The following CEMIP variants were observed in gnomAD, a reference collection of about 807,000 sequenced individuals.
CEMIP encodes the protein cell migration-inducing and hyaluronan-binding protein.
CEMIP carries 105 observed loss-of-function variants against 156.9 expected under a neutral mutation model. The ratio of observed to expected loss-of-function variants is 0.67; its 90% CI spans 0.57 to 0.79. The LOEUF is 0.79. Ranked by LOEUF, CEMIP falls within the 30% of genes least tolerant of loss-of-function variation. The probability of loss-of-function intolerance (pLI) is 0.00; values close to 1 mark genes in which losing one functional copy is unlikely to be tolerated. For missense variants in CEMIP, 1,457 were observed against 1,769.4 expected, an observed-to-expected ratio of 0.82 and a Z score of 3.17; for synonymous variants, 676 against 668.4, an observed-to-expected ratio of 1.01 and a Z score of -0.17.
intron 1 of CEMIP, among the ~76,000 whole-genome samples, chr15:80,861,186 A>C (rs1194127689): frequency 1.3e-5 from 2 of 151,806 alleles, no homozygotes; most frequent in African/African-American, 4.9e-5. Flanking sequence ...CACTAATAAT[A>C]AACACGGATT....
At position 80,925,702 on chromosome 15, in the gene CEMIP, C is replaced by A; in HGVS notation, c.2367C>A (p.Asn789Lys). The stretch of plus-strand genomic sequence containing the variant: ...TCAGACACTTCATTGCCTACAAGAA[C>A]CAGGACCACGGGGCCTGGCTGCGCG... ...AIIRHFIAYK[N>K]QDHGAWLRGG... Residue 789 changes from asparagine (N) to lysine (K), a missense_variant, in exon 19 of 30, where the codon AAC becomes AAA. Around this residue, in one of 5 missense-constraint regions of CEMIP, gnomAD observed 798 missense variants for 980.1 expected, o/e 0.81. Coordinates refer to ENST00000394685, the MANE Select transcript of CEMIP (RefSeq NM_001293298.2). 6.2e-7 allele frequency: 1 copy of A among 1,613,808 alleles called. No homozygotes were observed. The highest frequency in any genetic ancestry group is 1.1e-5 in the South Asian group (1 of 91,086).
At position 80,906,691 on chromosome 15, in the gene CEMIP, G is replaced by C; in HGVS notation, c.1440G>C (p.Glu480Asp). The C allele has an allele frequency of 6.2e-7, 1 of 1,614,144 alleles. No homozygotes were observed. The highest frequency in any genetic ancestry group is 1.3e-5 in the African/African-American group (1 of 75,054). ...AACCAATGTACCTGCACATCGGGGA[G>C]GAGATAGACGGCGTGGACATGCGGG... is the stretch of plus-strand genomic sequence containing the variant. Reference protein sequence around the residue: ...AGKPMYLHIGEEIDGVDMRAE... With the variant: ...AGKPMYLHIGDEIDGVDMRAE... The change falls in exon 13 of 30, where the codon GAG (glutamate) becomes GAC (aspartate). Residue 480 changes from glutamate to aspartate, a missense_variant. This residue lies in a region of CEMIP where 280 missense variants were observed against 300.3 expected (regional missense o/e 0.93). Transcript: ENST00000394685. This position sits in a 1 kb window ranked among gnomAD's most constrained non-coding sequence, Gnocchi z 4.3.
intron 10 of CEMIP, 148 bp downstream of exon 10, chr15:80,889,740 A>G (rs1283903036): frequency 1.7e-5 from 17 of 1,004,262 alleles, no homozygotes; most frequent in Non-Finnish European, 2.4e-5. Flanking sequence ...TTCCCACTTT[A>G]GAGACTGAAG....
At chr15:80,884,017 C>T (rs112135849) in intron 6 of CEMIP, among the ~76,000 whole-genome samples, 158 bp from the exon 7 acceptor site, 2 of 152,210 alleles carry the variant, frequency 1.3e-5, no homozygotes, top group African/African-American at 4.8e-5. Context: ...AATAATGAAA[C>T]TTGTTTGCTC....
rs1900951887 is a variant in CEMIP at position 80,932,378 on chromosome 15, C to G, written c.2793+339C>G. On this transcript the variant is annotated intron_variant, in intron 22 of 29. Coordinates refer to ENST00000394685, the MANE Select transcript of CEMIP (RefSeq NM_001293298.2). This position sits in a 1 kb window ranked among gnomAD's most constrained non-coding sequence, Gnocchi z 4.5. Reference sequence around the variant, plus strand: ...AAACTGAGTCTTCTGACCAGGCCACCTGAGTTGGCACAAAGAATCTAACAA... The same window carrying G: ...AAACTGAGTCTTCTGACCAGGCCACGTGAGTTGGCACAAAGAATCTAACAA... Among the ~76,000 whole-genome samples, 1 of 152,210 alleles carries G rather than the reference C, an allele frequency of 6.6e-6. No individual in the cohort carries two copies. The highest frequency in any genetic ancestry group is 2.4e-5 in the African/African-American group (1 of 41,448).
intron 14 of CEMIP, among the ~76,000 whole-genome samples, chr15:80,910,280 A>G (rs1036058280): frequency 2.0e-5 from 3 of 152,238 alleles, no homozygotes; most frequent in Non-Finnish European, 4.4e-5. Context: ...CTTAGAGCAG[A>G]GTCAAGGCTG....
intron 1 of CEMIP, among the ~76,000 whole-genome samples, chr15:80,863,169 A>G (rs1396008742): frequency 2.6e-5 from 4 of 152,126 alleles, no homozygotes; most frequent in Non-Finnish European, 4.4e-5. Flanking sequence ...TTTTTCCTCA[A>G]TTGAGGGTAA....
Position 80,936,743 on chromosome 15 carries a change from C to T in CEMIP, c.3079C>T (p.Pro1027Ser). The T allele has an allele frequency of 6.2e-7, 1 of 1,614,188 alleles. No individual in the cohort carries two copies. Among genetic ancestry groups the T allele is most frequent in the Non-Finnish European group, 8.5e-7 (1 of 1,180,030 alleles). Residue 1027 changes from proline (P) to serine (S), a missense_variant, in exon 24 of 30, where the codon CCT becomes TCT. Physicochemically the swap from Pro to Ser is moderately conservative, Grantham distance 74. This residue lies in a region of CEMIP where 798 missense variants were observed against 980.1 expected (regional missense o/e 0.81). Coordinates refer to ENST00000394685, the MANE Select transcript of CEMIP (RefSeq NM_001293298.2). ...KIIKNDFPSH[P>S]LYLEGALTRS... ...CATCAAGAATGACTTCCCCAGCCAC[C>T]CTCTTTACCTGGAGGGGGCGCTCAC... is the stretch of plus-strand genomic sequence containing the variant.
chr15:80,794,216 C>G (rs763771960), intron 1 of CEMIP, among the ~76,000 whole-genome samples: 1 of 152,200 alleles, frequency 6.6e-6, no homozygotes, highest in African/African-American at 2.4e-5. Flanking sequence ...TCAGAAATTT[C>G]TCCCTCACAC....
At chr15:80,804,605 C>G (rs970509975) in intron 1 of CEMIP, among the ~76,000 whole-genome samples, 1 of 152,162 alleles carries the variant, frequency 6.6e-6, no homozygotes, top group Non-Finnish European at 1.5e-5. Context: ...ACCTACTGCT[C>G]CAGATGTCCC....
intron 1 of CEMIP, among the ~76,000 whole-genome samples, chr15:80,865,993 C>T (rs910219332): frequency 5.9e-5 from 9 of 152,162 alleles, no homozygotes; most frequent in African/African-American, 1.7e-4. Flanking sequence ...CACGGGCTAA[C>T]GATGTGAGCT....
At chr15:80,794,104 C>T (rs938202818) in intron 1 of CEMIP, among the ~76,000 whole-genome samples, 2 of 152,168 alleles carry the variant, frequency 1.3e-5, no homozygotes, top group Admixed American at 6.5e-5. Flanking sequence ...TTTATCTTTG[C>T]CTTTCTGTTG....
rs12441164 is a variant in CEMIP at position 80,925,950 on chromosome 15, A to G, written c.2420+195A>G. Among the ~76,000 whole-genome samples, 51,439 of 151,998 alleles carry G rather than the reference A, an allele frequency of 0.34. 10,557 individuals are homozygous for G. Among genetic ancestry groups the G allele is most frequent in the African/African-American group, 0.58 (24,035 of 41,390 alleles). On this transcript the variant is annotated intron_variant, in intron 19 of 29. Transcript: ENST00000394685. ...AAAAAAAACAAAACCTAAAAGCAGCATATTGGCTTCAGCCTACAGTGCCAG... is the reference window on the plus strand; with the variant it reads ...AAAAAAAACAAAACCTAAAAGCAGCGTATTGGCTTCAGCCTACAGTGCCAG...
intron 14 of CEMIP, among the ~76,000 whole-genome samples, chr15:80,911,140 C>A (rs1286897773): frequency 6.6e-6 from 1 of 152,148 alleles, no homozygotes; most frequent in African/African-American, 2.4e-5. Flanking sequence ...ATTGAGCAAG[C>A]AGAGAACATG....
chr15:80,900,733 T>G (rs377729062), intron 12 of CEMIP: 2 of 335,490 alleles, frequency 6.0e-6, no homozygotes, highest in Non-Finnish European at 1.2e-5. Context: ...ATTCCTCCTA[T>G]TCATCCCCAA....
At chr15:80,927,544 T>C (rs1399986660) in intron 19 of CEMIP, among the ~76,000 whole-genome samples, 3 of 152,174 alleles carry the variant, frequency 2.0e-5, no homozygotes, top group Non-Finnish European at 4.4e-5. Flanking sequence ...CCTTAAGAGA[T>C]GGTAAATGCC....
chr15:80,791,432 C>T (rs1445696358), intron 1 of CEMIP, among the ~76,000 whole-genome samples: 3 of 152,176 alleles, frequency 2.0e-5, no homozygotes, highest in South Asian at 2.1e-4. Flanking sequence ...AGGATAACTG[C>T]GCTGTCCGAA....
intron 17 of CEMIP, 99 bp from the exon 18 acceptor site, chr15:80,924,522 T>A: frequency 9.8e-7 from 1 of 1,021,388 alleles, no homozygotes; most frequent in Middle Eastern, 2.0e-4. Context: ...GAGCTGGTTT[T>A]CCCGGAGCAT....
At chr15:80,921,976 C>A (rs766025364) in intron 16 of CEMIP, 33 bp from the exon 17 acceptor site, 1 of 1,613,682 alleles carries the variant, frequency 6.2e-7, no homozygotes, top group Non-Finnish European at 8.5e-7. Context: ...GGGCTGAACG[C>A]TGTGGCTTTT....
Sources: gnomAD v4.1 joint callset for allele counts (sites outside exome capture counted in the v4.1 genomes callset) on GRCh38, gnomAD v4.1.1 for gene constraint, gnomAD v4.1.1 regional missense constraint, Gnocchi (gnomAD v3.1) non-coding constraint, MANE v1.5 for transcripts, NCBI Gene and HGNC (gene_info 2026-07-23, HGNC 2026-07-21) for gene names.